Variants in FBRS observed in about 807,000 individuals in gnomAD.
FBRS encodes the protein fibrosin.
In FBRS, 15 loss-of-function variants were observed where a neutral mutation model predicts 86.1. The ratio of observed to expected loss-of-function variants is 0.17; its 90% CI spans 0.12 to 0.27. The LOEUF (loss-of-function observed/expected upper bound fraction) is 0.27. Ranked by LOEUF, FBRS falls within the 10% of genes least tolerant of loss-of-function variation. FBRS has a pLI of 1.00. For synonymous variants in FBRS, 666 were observed against 575.8 expected (o/e 1.16, Z -2.24); for missense variants, 1,367 against 1,301.6 (o/e 1.05, Z -0.77).
Position 30,658,856 on chromosome 16 carries a change from TGAGAACTGTGCCGTTGG to T in FBRS, c.-654_-638del, listed in dbSNP as rs1596610732. The T allele has an allele frequency of 1.3e-5, 2 of 151,992 alleles. No individual in the cohort carries two copies. Among genetic ancestry groups the T allele is most frequent in the African/African-American group, 2.4e-5 (1 of 41,310 alleles). The allele number at this position is 151,992 out of a possible 1,614,324, so 9.4% of individuals were successfully genotyped here. A position where few individuals can be genotyped will look rare whatever the true frequency, so the allele number is the denominator to read the frequency against. Reference sequence around the variant, plus strand: ...AGCCGCCGAGCAGACGCTGACAAATTGAGAACTGTGCCGTTGGGAGAACTGGGGCGAGTGGGGTTTTT... The same window carrying T: ...AGCCGCCGAGCAGACGCTGACAAATTGAGAACTGGGGCGAGTGGGGTTTTT... On this transcript the variant is annotated 5_prime_UTR_variant, in exon 1 of 18. Transcript: ENST00000356166.
In FBRS at chr16:30,667,108, C is replaced by T. The variant is rs1330474087; in HGVS notation, c.1875+118C>T. ...TTGGCCAGAAACATTCTCTCCTGTCCCCCATCACTGCTGAACAGTTCTATG... is the reference window on the plus strand; with the variant it reads ...TTGGCCAGAAACATTCTCTCCTGTCTCCCATCACTGCTGAACAGTTCTATG... On this transcript the variant is annotated intron_variant, in intron 13 of 17. Transcript: ENST00000356166. 8 of 1,101,114 alleles carry T rather than the reference C, an allele frequency of 7.3e-6. No homozygotes were observed. In the Admixed American group the frequency reaches 1.0e-4, roughly 14 times the overall value. 68.2% of individuals were successfully genotyped at this position (1,101,114 alleles called of 1,614,324 possible). A position where few individuals can be genotyped will look rare whatever the true frequency, so the allele number is the denominator to read the frequency against.
chr16:30,668,660 T>TGGGGTG lies in FBRS; in HGVS notation c.2158+22_2158+27dup, dbSNP rs1257499485. The TGGGGTG allele has an allele frequency of 1.3e-6, 2 of 1,519,364 alleles. No individual in the cohort carries two copies. Among genetic ancestry groups the TGGGGTG allele is most frequent in the Non-Finnish European group, 1.8e-6 (2 of 1,100,034 alleles). The allele number at this position is 1,519,364 out of a possible 1,614,324, so 94.1% of individuals were successfully genotyped here. A position where few individuals can be genotyped will look rare whatever the true frequency, so the allele number is the denominator to read the frequency against. Reference sequence around the variant, plus strand: ...CCACATTCAGTGAGTGCGGGTGCGGTGGGGTGGGGGGGCTGCGGCCACAGG... The same window carrying TGGGGTG: ...CCACATTCAGTGAGTGCGGGTGCGGTGGGGTGGGGGTGGGGGGGCTGCGGCCACAGG... On this transcript the variant is annotated intron_variant, in intron 16 of 17. Transcript: ENST00000356166.
chr16:30,664,624 G>A, intron 7 of FBRS, 91 bp from the exon 8 acceptor site: 2 of 1,440,092 alleles, frequency 1.4e-6, no homozygotes, highest in Non-Finnish European at 1.8e-6. Flanking sequence ...TGAGGAGGGA[G>A]TGGCTCGAGG....
chr16:30,669,519 G>A lies in FBRS; in HGVS notation c.2817G>A (p.Pro939=), dbSNP rs756555793. The part of the protein sequence containing the change: ...LAPPPPPAAA[P]GTPHLLSKTP... ...CTCCACCACCACCTGCTGCGGCCCC[G>A]GGAACCCCTCACCTTCTCAGCAAGA... Residue 939 remains proline (P), a synonymous_variant, in exon 18 of 18, where the codon CCG becomes CCA. Transcript: ENST00000356166. The surrounding 1 kb of genome is among the most constrained non-coding windows in gnomAD (Gnocchi z 5.9). 1.5e-5 allele frequency: 24 copies of A among 1,612,892 alleles called. No individual in the cohort carries two copies. Among genetic ancestry groups the A allele is most frequent in the East Asian group, 8.9e-5 (4 of 44,870 alleles).
Position 30,665,670 on chromosome 16 carries a change from G to A in FBRS, c.1737G>A (p.Gly579=). Residue 579 remains glycine (G), a synonymous_variant, in exon 11 of 18, where the codon GGG becomes GGA. Transcript: ENST00000356166. The surrounding 1 kb of genome is among the most constrained non-coding windows in gnomAD (Gnocchi z 4.1). ...ACCCTGAGCTGCCACCACGACTGGG[G>A]CCGGTGCCGAGCGGGCTCTCCCAGA... ...STNPELPPRL[G]PVPSGLSQKG... The A allele has an allele frequency of 6.3e-7, 1 of 1,592,060 alleles. No homozygotes were observed. The highest frequency in any genetic ancestry group is 8.5e-7 in the Non-Finnish European group (1 of 1,169,624).
At chr16:30,660,052 TGGA>T in intron 1 of FBRS, 75 bp downstream of exon 1, 1 of 1,495,502 alleles carries the variant, frequency 6.7e-7, no homozygotes, top group Non-Finnish European at 8.9e-7. Context: ...CCCTAGTGGG[TGGA>T]GTTGAGGGGG....
chr16:30,666,267 C>T, intron 11 of FBRS: 1 of 595,142 alleles, frequency 1.7e-6, no homozygotes, highest in Non-Finnish European at 3.0e-6. Context: ...TCCTGCCTGC[C>T]CCCTCACCAC....
intron 4 of FBRS, chr16:30,661,991 G>T: frequency 5.0e-6 from 1 of 201,192 alleles, no homozygotes; most frequent in South Asian, 8.2e-5. Context: ...AGAACAGGGG[G>T]CCCATTCTTG....
At chr16:30,666,834 C>T in intron 12 of FBRS, 85 bp from the exon 13 acceptor site, 1 of 1,442,814 alleles carries the variant, frequency 6.9e-7, no homozygotes. Context: ...TGTGGCGAGG[C>T]TGGGCCCAGA....
At chr16:30,662,498 C>T (rs1386534828) in intron 5 of FBRS, 30 bp downstream of exon 5, 4 of 1,550,464 alleles carry the variant, frequency 2.6e-6, no homozygotes, top group Non-Finnish European at 2.6e-6. Flanking sequence ...GCTGGAGGCA[C>T]GGGAGGGCAG....
At position 30,665,124 on chromosome 16, in the gene FBRS, G is replaced by T. The variant is rs528213559; in HGVS notation, c.1608+45G>T. The stretch of plus-strand genomic sequence containing the variant: ...TGCGTATGGGGTGTGTGGTGTGGGC[G>T]TGGATGCATCCATGCTTGTGACCCT... On this transcript the variant is annotated intron_variant, in intron 9 of 17. Transcript: ENST00000356166. This position sits in a 1 kb window ranked among gnomAD's most constrained non-coding sequence, Gnocchi z 4.1. The T allele has an allele frequency of 5.0e-6, 8 of 1,595,604 alleles. No individual in the cohort carries two copies. The African/African-American group carries it at 1.1e-4, about 21-fold the overall frequency.
At chr16:30,662,504 G>A in intron 5 of FBRS, 36 bp downstream of exon 5, 1 of 1,550,562 alleles carries the variant, frequency 6.4e-7, no homozygotes, top group Non-Finnish European at 8.7e-7. Flanking sequence ...GGCACGGGAG[G>A]GCAGTGGGGT....
chr16:30,663,355 AGT>A (rs1347205531), intron 6 of FBRS, among the ~76,000 whole-genome samples: 1 of 152,196 alleles, frequency 6.6e-6, no homozygotes, highest in Non-Finnish European at 1.5e-5. Context: ...TGTTTCCCAA[AGT>A]GTGTACATTC....
chr16:30,661,371 C>G, intron 4 of FBRS, 38 bp downstream of exon 4: 1 of 1,550,622 alleles, frequency 6.4e-7, no homozygotes, highest in Non-Finnish European at 8.7e-7. Flanking sequence ...AGTGTCACTG[C>G]TTGTAAAAGG....
chr16:30,669,057 C>T lies in FBRS; in HGVS notation c.2367-12C>T. On this transcript the variant is annotated splice_polypyrimidine_tract_variant and intron_variant, in intron 17 of 17. Coordinates refer to ENST00000356166, the MANE Select transcript of FBRS (RefSeq NM_001105079.3). The surrounding 1 kb of genome is among the most constrained non-coding windows in gnomAD (Gnocchi z 5.9). ...TGGAGAACTTCATTCTCTCCCCACG[C>T]CTGCCCTCCAGGGACCTCCCCTTCT... 1 of 1,598,130 alleles carries T rather than the reference C, an allele frequency of 6.3e-7. No homozygotes were observed. Among genetic ancestry groups the T allele is most frequent in the Non-Finnish European group, 8.5e-7 (1 of 1,173,534 alleles).
At chr16:30,667,464 T>A (rs372227421) in intron 14 of FBRS, 27 bp downstream of exon 14, 7 of 1,520,490 alleles carry the variant, frequency 4.6e-6, no homozygotes, top group Non-Finnish European at 6.2e-6. Context: ...CCCTCGGGCC[T>A]GAGGTTCCCT....
rs2052432401 is a variant in FBRS at position 30,659,763 on chromosome 16, G to T, written c.245G>T (p.Arg82Leu). 1 of 1,433,302 alleles carries T rather than the reference G, an allele frequency of 7.0e-7. No individual in the cohort carries two copies. The highest frequency in any genetic ancestry group is 9.3e-7 in the Non-Finnish European group (1 of 1,080,160). 88.8% of individuals were successfully genotyped at this position (1,433,302 alleles called of 1,614,324 possible). A position where few individuals can be genotyped will look rare whatever the true frequency, so the allele number is the denominator to read the frequency against. The change falls in exon 1 of 18, where the codon CGG becomes CTG. Residue 82 changes from arginine (R) to leucine (L), a missense_variant. Physicochemically the swap from Arg to Leu is moderately radical, Grantham distance 102. Transcript: ENST00000356166. ...SGERPGGPRR[R>L]RPRPRPRPPR... ...GAGCGGCCTGGGGGCCCGAGACGCC[G>T]GCGGCCCCGTCCGAGACCTCGACCC...
In FBRS at chr16:30,669,807, C is replaced by T. The variant is rs2052575298; in HGVS notation, c.*162C>T. 8 of 884,512 alleles carry T rather than the reference C, an allele frequency of 9.0e-6. No individual in the cohort carries two copies. In the East Asian group the frequency reaches 2.1e-4, roughly 24 times the overall value. The allele number at this position is 884,512 out of a possible 1,614,324, so 54.8% of individuals were successfully genotyped here. A position where few individuals can be genotyped will look rare whatever the true frequency, so the allele number is the denominator to read the frequency against. Reference sequence around the variant, plus strand: ...ACAGAAGCCTCAACCCCCACAAGACCAAGCATCACATGGAGTGTAGGGTCA... The same window carrying T: ...ACAGAAGCCTCAACCCCCACAAGACTAAGCATCACATGGAGTGTAGGGTCA... On this transcript the variant is annotated 3_prime_UTR_variant, in exon 18 of 18. Coordinates refer to ENST00000356166, the MANE Select transcript of FBRS (RefSeq NM_001105079.3). This position sits in a 1 kb window ranked among gnomAD's most constrained non-coding sequence, Gnocchi z 5.9.
In FBRS at chr16:30,664,691, G is replaced by A. The variant is rs1239537550; in HGVS notation, c.1358-24G>A. On this transcript the variant is annotated intron_variant, in intron 7 of 17. Transcript: ENST00000356166. ...AGGCTGATGTGGCGACAGCATTAAA[G>A]CCTTCTCCCGTCCCCTCCCACAGAG... 13 of 1,492,212 alleles carry A rather than the reference G, an allele frequency of 8.7e-6. No individual in the cohort carries two copies. In the Admixed American group the frequency reaches 1.2e-4, roughly 13 times the overall value. 92.4% of individuals were successfully genotyped at this position (1,492,212 alleles called of 1,614,324 possible). A position where few individuals can be genotyped will look rare whatever the true frequency, so the allele number is the denominator to read the frequency against.
Sources: allele counts gnomAD v4.1 joint callset (sites outside exome capture counted in the v4.1 genomes callset), GRCh38; gene constraint gnomAD v4.1.1; non-coding constraint Gnocchi (gnomAD v3.1); transcripts MANE v1.5; gene names NCBI Gene and HGNC (gene_info 2026-07-23, HGNC 2026-07-21).